TBC1D24: variants seen among roughly 807,000 people sequenced by gnomAD.
TBC1D24 encodes the protein TBC1 domain family member 24.
TBC1D24 carries 47 observed loss-of-function variants against 50.7 expected under a neutral mutation model. The observed-to-expected ratio is 0.93, with a 90% CI of 0.73 to 1.18. The LOEUF is 1.18. TBC1D24 is among the 50% of genes most tolerant of loss of function. TBC1D24 has a pLI of 0.00. For missense variants in TBC1D24, 688 were observed against 766.5 expected (o/e 0.90, Z 1.21); for synonymous variants, 324 against 335.2 (o/e 0.97, Z 0.36).
Position 2,487,353 on chromosome 16 carries a change from G to A in TBC1D24, c.-115-8681G>A, listed in dbSNP as rs2065658724. On this transcript the variant is annotated intron_variant, in intron 1 of 7. Coordinates refer to ENST00000646147, the MANE Select transcript of TBC1D24 (RefSeq NM_001199107.2). This position sits in a 1 kb window ranked among gnomAD's most constrained non-coding sequence, Gnocchi z 4.1. ...TGACTAACTGCAGGACGAGGGAGCC[G>A]CGGTCGTATGCTGCCTCCTCACGTT... 6.6e-6 allele frequency among the ~76,000 whole-genome samples: 1 copy of A among 152,210 alleles called. No homozygotes were observed. The highest frequency in any genetic ancestry group is 6.5e-5 in the Admixed American group (1 of 15,284).
intron 1 of TBC1D24, chr16:2,484,507 G>A (rs2065634115): frequency 6.6e-6 from 1 of 152,330 alleles, no homozygotes; most frequent in Non-Finnish European, 1.5e-5. Flanking sequence ...CCACCCCGGG[G>A]CCTCTCTGCT....
At position 2,496,485 on chromosome 16, in the gene TBC1D24, G is replaced by C; in HGVS notation, c.337G>C (p.Ala113Pro). Residue 113 changes from alanine (A) to proline (P), a missense_variant, in exon 2 of 8, where the codon GCC becomes CCC. Coordinates refer to ENST00000646147, the MANE Select transcript of TBC1D24 (RefSeq NM_001199107.2). ...SYCLNARGEG[A>P]VRKILLCLAN... ...CTGCCTGAATGCACGCGGCGAGGGG[G>C]CCGTGCGCAAGATCCTCCTGTGCCT... 1 of 1,610,248 alleles carries C rather than the reference G, an allele frequency of 6.2e-7. No homozygotes were observed. The highest frequency in any genetic ancestry group is 8.5e-7 in the Non-Finnish European group (1 of 1,179,904).
rs2065828895 is a variant in TBC1D24 at position 2,505,603 on chromosome 16, A to ATG, written c.*4649_*4650dup. 1 of 152,258 alleles carries ATG rather than the reference A, an allele frequency of 6.6e-6. No individual in the cohort carries two copies. The highest frequency in any genetic ancestry group is 1.5e-5 in the Non-Finnish European group (1 of 68,048). The allele number at this position is 152,258 out of a possible 1,614,324, so 9.4% of individuals were successfully genotyped here. ...CCTCTCAATGAATGTAATAAAAAAAATGTGTAGTGAGCACAAATGTATGGA... is the reference window on the plus strand; with the variant it reads ...CCTCTCAATGAATGTAATAAAAAAAATGTGTGTAGTGAGCACAAATGTATGGA... On this transcript the variant is annotated 3_prime_UTR_variant, in exon 8 of 8. Coordinates refer to ENST00000646147, the MANE Select transcript of TBC1D24 (RefSeq NM_001199107.2).
At chr16:2,498,518 C>G in intron 4 of TBC1D24, 122 bp downstream of exon 4, 1 of 960,168 alleles carries the variant, frequency 1.0e-6, no homozygotes, top group Non-Finnish European at 1.5e-6. Context: ...CCTGTGGGGC[C>G]TAAGAATCAG....
In TBC1D24 at chr16:2,504,114, C is replaced by T. The variant is rs1244391986; in HGVS notation, c.*3156C>T. The T allele has an allele frequency of 1.3e-5, 2 of 152,232 alleles. No homozygotes were observed. The highest frequency in any genetic ancestry group is 1.9e-4 in the East Asian group (1 of 5,192). The allele number at this position is 152,232 out of a possible 1,614,324, so 9.4% of individuals were successfully genotyped here. ...TTCTATTTTTGTAAGCCGCATACTT[C>T]ATTTTTTGAGTTTTTCAGTGGAATT... On this transcript the variant is annotated 3_prime_UTR_variant, in exon 8 of 8. Transcript: ENST00000646147.
Position 2,504,827 on chromosome 16 carries a change from A to G in TBC1D24, c.*3869A>G, listed in dbSNP as rs1275044860. 1 of 152,124 alleles carries G rather than the reference A, an allele frequency of 6.6e-6. No homozygotes were observed. The highest frequency in any genetic ancestry group is 2.4e-5 in the African/African-American group (1 of 41,408). The allele number at this position is 152,124 out of a possible 1,614,324, so 9.4% of individuals were successfully genotyped here. ...AGAATATCATCAAACTCACAAAACC[A>G]CTGGTCAAAAAAACCCAAATGGCCA... On this transcript the variant is annotated 3_prime_UTR_variant, in exon 8 of 8. Coordinates refer to ENST00000646147, the MANE Select transcript of TBC1D24 (RefSeq NM_001199107.2).
At position 2,485,109 on chromosome 16, in the gene TBC1D24, T is replaced by C. The variant is rs2065639104; in HGVS notation, c.-116+9939T>C. 6.6e-6 allele frequency: 1 copy of C among 152,178 alleles called. No homozygotes were observed. Among genetic ancestry groups the C allele is most frequent in the African/African-American group, 2.4e-5 (1 of 41,402 alleles). 9.4% of individuals were successfully genotyped at this position (152,178 alleles called of 1,614,324 possible). A position where few individuals can be genotyped will look rare whatever the true frequency, so the allele number is the denominator to read the frequency against. ...CCTCTGTGATGTTGTGAAATATCTA[T>C]TTGGTCTTTGTCCTTGTTTAGTGAC... On this transcript the variant is annotated intron_variant, in intron 1 of 7. Coordinates refer to ENST00000646147, the MANE Select transcript of TBC1D24 (RefSeq NM_001199107.2). This position sits in a 1 kb window ranked among gnomAD's most constrained non-coding sequence, Gnocchi z 4.6.
rs1232464348 is a variant in TBC1D24, at chr16:2,475,265, C to A, written c.-116+95C>A. 8.8e-6 allele frequency: 1 copy of A among 113,896 alleles called. No homozygotes were observed. The highest frequency in any genetic ancestry group is 1.9e-5 in the Non-Finnish European group (1 of 52,098). 7.1% of individuals were successfully genotyped at this position (113,896 alleles called of 1,614,324 possible). ...CACCGCGGTCGGCGCGTGCTGGGGG[C>A]GGGAGCGTGGGGGCCGGGCTGCGGG... On this transcript the variant is annotated intron_variant, in intron 1 of 7. Transcript: ENST00000646147. This position sits in a 1 kb window ranked among gnomAD's most constrained non-coding sequence, Gnocchi z 4.2.
intron 1 of TBC1D24, among the ~76,000 whole-genome samples, chr16:2,488,311 G>T (rs1055657545): frequency 9.9e-5 from 15 of 152,106 alleles, no homozygotes; most frequent in Non-Finnish European, 2.2e-4. Flanking sequence ...GGCTGCTGGG[G>T]CTGTGGCGGG....
Position 2,498,286 on chromosome 16 carries a change from C to A in TBC1D24, c.1032C>A (p.Ile344=), listed in dbSNP as rs769656369. ...ATGCAGAGAACTTCCGCTCGGAGAT[C>A]GTCAGCGTGAGGGAGATGAGAGACA... is the stretch of plus-strand genomic sequence containing the variant. The part of the protein sequence containing the change: ...AVHAENFRSE[I]VSVREMRDIW... Residue 344 remains isoleucine (I), a synonymous_variant, in exon 4 of 8, where the codon ATC becomes ATA. Coordinates refer to ENST00000646147, the MANE Select transcript of TBC1D24 (RefSeq NM_001199107.2). 2 of 1,611,762 alleles carry A rather than the reference C, an allele frequency of 1.2e-6. No individual in the cohort carries two copies. The highest frequency in any genetic ancestry group is 8.5e-7 in the Non-Finnish European group (1 of 1,178,984).
intron 1 of TBC1D24, among the ~76,000 whole-genome samples, chr16:2,490,129 G>A (rs2065683888): frequency 6.6e-6 from 1 of 152,202 alleles, no homozygotes; most frequent in African/African-American, 2.4e-5. Context: ...CAGTAAAGTA[G>A]CTGTCACCCT....
At chr16:2,494,064 G>A (rs2065717517) in intron 1 of TBC1D24, among the ~76,000 whole-genome samples, 1 of 151,688 alleles carries the variant, frequency 6.6e-6, no homozygotes, top group Non-Finnish European at 1.5e-5. Flanking sequence ...TCAGAATTCC[G>A]ACAGGGTGGG....
chr16:2,497,078 C>T lies in TBC1D24; in HGVS notation c.930C>T (p.Ala310=), dbSNP rs750655831. 97 of 1,609,088 alleles carry T rather than the reference C, an allele frequency of 6.0e-5. No homozygotes were observed. In the East Asian group the frequency reaches 2.1e-3, roughly 35 times the overall value. Residue 310 remains alanine (A), a synonymous_variant, in exon 2 of 8, where the codon GCC becomes GCT. Coordinates refer to ENST00000646147, the MANE Select transcript of TBC1D24 (RefSeq NM_001199107.2). Reference sequence around the variant, plus strand: ...TCCTGCAGATGGCCAATGAGAAAGCCCTGAAGCAGAAGGGCATCACCGTGA... The same window carrying T: ...TCCTGCAGATGGCCAATGAGAAAGCTCTGAAGCAGAAGGGCATCACCGTGA... ...IQLLQMANEK[A]LKQKGITVKQ...
rs1171785334 is a variant in TBC1D24, at chr16:2,502,218, G to A, written c.*1260G>A. ...CTGGCCAGACGCAGGTAGGTGCCAG[G>A]GGAGGCCTTGCCTCTGGGCACTATA... On this transcript the variant is annotated 3_prime_UTR_variant, in exon 8 of 8. Coordinates refer to ENST00000646147, the MANE Select transcript of TBC1D24 (RefSeq NM_001199107.2). 3 of 152,378 alleles carry A rather than the reference G, an allele frequency of 2.0e-5. No individual in the cohort carries two copies. The highest frequency in any genetic ancestry group is 4.4e-5 in the Non-Finnish European group (3 of 68,136). 9.4% of individuals were successfully genotyped at this position (152,378 alleles called of 1,614,324 possible). A position where few individuals can be genotyped will look rare whatever the true frequency, so the allele number is the denominator to read the frequency against.
rs1181264699 is a variant in TBC1D24 at position 2,504,399 on chromosome 16, C to T, written c.*3441C>T. The T allele has an allele frequency of 6.7e-6, 1 of 148,372 alleles. No homozygotes were observed. The highest frequency in any genetic ancestry group is 1.5e-5 in the Non-Finnish European group (1 of 67,600). 9.2% of individuals were successfully genotyped at this position (148,372 alleles called of 1,614,324 possible). A position where few individuals can be genotyped will look rare whatever the true frequency, so the allele number is the denominator to read the frequency against. On this transcript the variant is annotated 3_prime_UTR_variant, in exon 8 of 8. Coordinates refer to ENST00000646147, the MANE Select transcript of TBC1D24 (RefSeq NM_001199107.2). ...CATTGCTGTTAACTAAACCACAGGC[C>T]TATTGAGATTGTCCCTTTTTTTTTT...
At chr16:2,495,512 G>T (rs1169776730) in intron 1 of TBC1D24, among the ~76,000 whole-genome samples, 2 of 151,818 alleles carry the variant, frequency 1.3e-5, no homozygotes, top group Non-Finnish European at 2.9e-5. Context: ...CCAGGGCGGT[G>T]GCTCTCGTCT....
Position 2,500,905 on chromosome 16 carries a change from T to A in TBC1D24, c.1627T>A (p.Phe543Ile). ...FNNQPLCSEN[F>I]LIAAVEAWGF... ...CAACCAGCCCCTCTGCTCCGAGAAC[T>A]TCCTCATTGCTGCCGTGGAGGCCTG... The change falls in exon 8 of 8, where the codon TTC becomes ATC. Residue 543 changes from phenylalanine to isoleucine, a missense_variant. Phe to Ile is a conservative substitution (Grantham distance 21). Coordinates refer to ENST00000646147, the MANE Select transcript of TBC1D24 (RefSeq NM_001199107.2). The surrounding 1 kb of genome is among the most constrained non-coding windows in gnomAD (Gnocchi z 8.0). 6.2e-7 allele frequency: 1 copy of A among 1,613,130 alleles called. No individual in the cohort carries two copies. Among genetic ancestry groups the A allele is most frequent in the Non-Finnish European group, 8.5e-7 (1 of 1,179,938 alleles).
intron 1 of TBC1D24, chr16:2,481,714 G>C (rs2065611722): frequency 6.6e-6 from 1 of 152,306 alleles, no homozygotes; most frequent in Non-Finnish European, 1.5e-5. Context: ...GACTAGGCTG[G>C]GGAAAGAAAG....
chr16:2,493,173 C>T (rs959600314), intron 1 of TBC1D24, among the ~76,000 whole-genome samples: 1 of 151,902 alleles, frequency 6.6e-6, no homozygotes, highest in Non-Finnish European at 1.5e-5. Flanking sequence ...GAGTCTTGCT[C>T]TGTCGCCTGG....
Sources: gnomAD v4.1 joint callset for allele counts (sites outside exome capture counted in the v4.1 genomes callset) on GRCh38, gnomAD v4.1.1 for gene constraint, Gnocchi (gnomAD v3.1) non-coding constraint, MANE v1.5 for transcripts, NCBI Gene and HGNC (gene_info 2026-07-23, HGNC 2026-07-21) for gene names.